MYT1L: variants seen among roughly 807,000 people sequenced by gnomAD.
MYT1L encodes the protein myelin transcription factor 1 like.
Under a neutral mutation model 126.7 loss-of-function variants are expected in MYT1L, and 12 were observed. The observed-to-expected ratio is 0.09, with a 90% confidence interval of 0.06 to 0.15. The LOEUF (loss-of-function observed/expected upper bound fraction) is 0.15, where lower values mean the gene tolerates loss of function less well. Among genes scored for constraint, MYT1L ranks in the 10% least tolerant of loss-of-function variants. MYT1L has a pLI of 1.00. For missense variants in MYT1L, 979 were observed against 1,585.2 expected, an observed-to-expected ratio of 0.62 and a Z score of 6.49; for synonymous variants, 541 against 604.2, an observed-to-expected ratio of 0.90 and a Z score of 1.53.
At chr2:1,949,762 T>C (rs541831416) in intron 8 of MYT1L, among the ~76,000 whole-genome samples, 1 of 152,282 alleles carries the variant, frequency 6.6e-6, no homozygotes, top group South Asian at 2.1e-4. Flanking sequence ...GGAAGTGTCC[T>C]GTGCGTGGGC....
intron 2 of MYT1L, among the ~76,000 whole-genome samples, chr2:2,276,112 G>C (rs1326024137): frequency 6.6e-6 from 1 of 152,152 alleles, no homozygotes; most frequent in East Asian, 1.9e-4. Context: ...TGGTGTATGG[G>C]TAATAGGTCC....
chr2:2,318,293 A>G (rs2096102341), intron 1 of MYT1L, among the ~76,000 whole-genome samples: 1 of 152,216 alleles, frequency 6.6e-6, no homozygotes, highest in South Asian at 2.1e-4. Context: ...TAATATACAT[A>G]TATTGAAATG....
chr2:1,816,954 C>A (rs1210350134), intron 21 of MYT1L: 3 of 152,242 alleles, frequency 2.0e-5, no homozygotes, highest in Non-Finnish European at 4.4e-5. Context: ...CCTGCAGACG[C>A]CGTGCTCCAG....
intron 4 of MYT1L, among the ~76,000 whole-genome samples, chr2:2,041,548 GA>G (rs1471992586): frequency 1.3e-5 from 2 of 152,172 alleles, no homozygotes; most frequent in Non-Finnish European, 2.9e-5. Context: ...CCAAACATCA[GA>G]AAAATTTTCT....
chr2:1,938,719 G>A (rs1487640592), intron 9 of MYT1L, among the ~76,000 whole-genome samples: 2 of 152,118 alleles, frequency 1.3e-5, no homozygotes, highest in East Asian at 1.9e-4. Context: ...GAGTAAAAGA[G>A]CTTCTGCCCT....
chr2:2,256,193 C>T (rs1441446710), intron 2 of MYT1L, among the ~76,000 whole-genome samples: 2 of 152,194 alleles, frequency 1.3e-5, no homozygotes, highest in African/African-American at 2.4e-5. Context: ...TGACATGGCA[C>T]GCTGCTCAAA....
At chr2:2,080,021 A>G (rs2075650502) in intron 3 of MYT1L, among the ~76,000 whole-genome samples, 1 of 152,204 alleles carries the variant, frequency 6.6e-6, no homozygotes, top group African/African-American at 2.4e-5. Flanking sequence ...AAACCATCTC[A>G]CTTATTGTCA....
At position 1,979,361 on chromosome 2, in the gene MYT1L, C is replaced by G; in HGVS notation, c.90-134G>C. On this transcript the variant is annotated intron_variant, in intron 7 of 24. Coordinates refer to ENST00000647738, the MANE Select transcript of MYT1L (RefSeq NM_001303052.2). This position sits in a 1 kb window ranked among gnomAD's most constrained non-coding sequence, Gnocchi z 4.0. ...ACACAATCCAAAGGAGGGGGAAATT[C>G]GGGGAGGCTTTTTACGAGCAAGTCT... 2.7e-6 allele frequency: 3 copies of G among 1,097,242 alleles called. No individual in the cohort carries two copies. Among genetic ancestry groups the G allele is most frequent in the Non-Finnish European group, 4.1e-6 (3 of 733,226 alleles). 68.0% of individuals were successfully genotyped at this position (1,097,242 alleles called of 1,614,324 possible).
At chr2:2,121,104 G>A (rs1167606561) in intron 3 of MYT1L, among the ~76,000 whole-genome samples, 1 of 152,204 alleles carries the variant, frequency 6.6e-6, no homozygotes, top group African/African-American at 2.4e-5. Flanking sequence ...ATTTTATAGT[G>A]CAACTCTTTT....
intron 2 of MYT1L, among the ~76,000 whole-genome samples, chr2:2,282,558 T>C (rs1210131064): frequency 9.2e-5 from 14 of 152,156 alleles, no homozygotes; most frequent in Non-Finnish European, 2.1e-4. Flanking sequence ...TCAAAATGTA[T>C]ATAGTCTTGA....
At chr2:2,299,882 A>G (rs2095756945) in intron 1 of MYT1L, among the ~76,000 whole-genome samples, 1 of 152,158 alleles carries the variant, frequency 6.6e-6, no homozygotes, top group African/African-American at 2.4e-5. Flanking sequence ...TTGGCACTAG[A>G]TCATCTTCCG....
chr2:2,286,191 C>T (rs761323540), intron 1 of MYT1L, among the ~76,000 whole-genome samples: 12 of 152,164 alleles, frequency 7.9e-5, no homozygotes, highest in Non-Finnish European at 1.2e-4. Flanking sequence ...CCATGTTGGT[C>T]AGGCTGGTCT....
At chr2:1,936,489 G>C (rs1326211453) in intron 9 of MYT1L, among the ~76,000 whole-genome samples, 2 of 152,138 alleles carry the variant, frequency 1.3e-5, no homozygotes, top group Admixed American at 6.5e-5. Flanking sequence ...GTGGATGCAG[G>C]GAGAGGTTAG....
At chr2:1,976,466 A>G (rs1445067303) in intron 8 of MYT1L, among the ~76,000 whole-genome samples, 3 of 152,092 alleles carry the variant, frequency 2.0e-5, no homozygotes, top group South Asian at 4.2e-4. Context: ...ATGTGGTGAA[A>G]CCCTGTCTCT....
chr2:1,990,367 T>C (rs1369277946), intron 5 of MYT1L, among the ~76,000 whole-genome samples: 3 of 152,238 alleles, frequency 2.0e-5, no homozygotes. Flanking sequence ...TCTTGAATTC[T>C]GTGGTTCCTC....
intron 19 of MYT1L, among the ~76,000 whole-genome samples, chr2:1,849,487 C>T (rs917083950): frequency 2.6e-5 from 4 of 152,226 alleles, no homozygotes; most frequent in African/African-American, 9.7e-5. Context: ...CCCTCTGCTG[C>T]CCTGGGTCTG....
intron 3 of MYT1L, among the ~76,000 whole-genome samples, chr2:2,155,658 A>G (rs1459153615): frequency 1.3e-5 from 2 of 152,222 alleles, no homozygotes; most frequent in Admixed American, 6.5e-5. Flanking sequence ...ATTGCATGCT[A>G]AATGGGATGC....
chr2:2,138,174 C>T (rs2083340900), intron 3 of MYT1L, among the ~76,000 whole-genome samples: 1 of 151,970 alleles, frequency 6.6e-6, no homozygotes, highest in South Asian at 2.1e-4. Flanking sequence ...GAATGGCAAT[C>T]ATTAAAAAGT....
chr2:2,140,257 T>G lies in MYT1L; in HGVS notation c.-304+32615A>C, dbSNP rs188080288. Among the ~76,000 whole-genome samples the G allele has an allele frequency of 2.7e-3, 411 of 152,214 alleles. 1 individual carries two copies. Among genetic ancestry groups the G allele is most frequent in the Non-Finnish European group, 4.3e-3 (291 of 68,012 alleles). On this transcript the variant is annotated intron_variant, in intron 3 of 24. Transcript: ENST00000647738. ...GTTTTTTAAAATGTGCCATAGCAAA[T>G]TTAAAATTTTTTACACATTAAAAGT...
Sources: gnomAD v4.1 joint callset for allele counts (sites outside exome capture counted in the v4.1 genomes callset) on GRCh38, gnomAD v4.1.1 for gene constraint, Gnocchi (gnomAD v3.1) non-coding constraint, MANE v1.5 for transcripts, NCBI Gene and HGNC (gene_info 2026-07-23, HGNC 2026-07-21) for gene names.